Variants in GRIA4 observed in about 807,000 individuals in gnomAD.
GRIA4 encodes glutamate ionotropic receptor AMPA type subunit 4, also known as glutamate receptor 4.
GRIA4 carries 34 observed loss-of-function variants against 104.0 expected under a neutral mutation model. The ratio of observed to expected loss-of-function variants is 0.33; its 90% confidence interval spans 0.25 to 0.44. GRIA4 has a LOEUF of 0.44. Ranked by LOEUF, GRIA4 falls within the 20% of genes least tolerant of loss-of-function variation. The pLI is 1.00. For missense variants in GRIA4, 750 were observed against 1,096.5 expected (o/e 0.68, Z 4.46); for synonymous variants, 386 against 381.9 (o/e 1.01, Z -0.13).
intron 4 of GRIA4, among the ~76,000 whole-genome samples, chr11:105,860,187 A>G (rs1945167329): frequency 6.6e-6 from 1 of 152,192 alleles, no homozygotes; most frequent in South Asian, 2.1e-4. Context: ...TGACTGCCAC[A>G]GTATTTCATT....
intron 4 of GRIA4, among the ~76,000 whole-genome samples, chr11:105,853,801 T>A (rs1468371448): frequency 1.3e-5 from 2 of 152,132 alleles, no homozygotes; most frequent in Non-Finnish European, 2.9e-5. Flanking sequence ...CTGGAGTTGG[T>A]CTAAGTGACA....
chr11:105,895,307 T>A (rs1946614169), intron 6 of GRIA4, among the ~76,000 whole-genome samples: 1 of 151,648 alleles, frequency 6.6e-6, no homozygotes, highest in African/African-American at 2.4e-5. Flanking sequence ...TCTGAGCTAA[T>A]ACCTATGGCT....
At chr11:105,976,886 G>A (rs1487230963) in intron 16 of GRIA4, among the ~76,000 whole-genome samples, 1 of 151,948 alleles carries the variant, frequency 6.6e-6, no homozygotes, top group Admixed American at 6.6e-5. Context: ...GATGATGTAA[G>A]TATAGGAAAT....
intron 16 of GRIA4, 72 bp from the exon 17 acceptor site, chr11:105,979,503 G>A (rs1859166133): frequency 7.6e-7 from 1 of 1,312,106 alleles, no homozygotes; most frequent in South Asian, 1.2e-5. Flanking sequence ...GTTTGTTGTG[G>A]AACATATTGT....
intron 3 of GRIA4, among the ~76,000 whole-genome samples, chr11:105,614,748 G>A (rs2135249398): frequency 6.6e-6 from 1 of 152,028 alleles, no homozygotes; most frequent in Middle Eastern, 3.4e-3. Context: ...AAATCCTTAA[G>A]GCAAATCTAA....
intron 3 of GRIA4, among the ~76,000 whole-genome samples, chr11:105,746,292 T>C (rs557192735): frequency 2.0e-5 from 3 of 152,236 alleles, no homozygotes; most frequent in Non-Finnish European, 2.9e-5. Flanking sequence ...AGTTTACTTG[T>C]TCATTCAGAA....
At chr11:105,794,473 G>GTATATATATATATATATA (rs71041629) in intron 4 of GRIA4, among the ~76,000 whole-genome samples, 2 of 43,882 alleles carry the variant, frequency 4.6e-5, no homozygotes, top group African/African-American at 1.0e-4. Context: ...GTATATGTAT[G>GTATATATATATATATATA]TATATATATA....
At chr11:105,616,300 C>A in intron 3 of GRIA4, among the ~76,000 whole-genome samples, 1 of 151,008 alleles carries the variant, frequency 6.6e-6, no homozygotes, top group South Asian at 2.1e-4. Context: ...AATATTATGC[C>A]CTAGTAATGA....
chr11:105,922,283 C>G (rs1028836353), intron 11 of GRIA4, among the ~76,000 whole-genome samples: 56 of 152,146 alleles, frequency 3.7e-4, no homozygotes, highest in African/African-American at 1.3e-3. Context: ...TTGGTGAAGA[C>G]AAGTAAACAG....
At chr11:105,970,726 A>C (rs1858642054) in intron 14 of GRIA4, among the ~76,000 whole-genome samples, 2 of 152,190 alleles carry the variant, frequency 1.3e-5, no homozygotes, top group African/African-American at 4.8e-5. Flanking sequence ...GAGGCGCATT[A>C]GGGGATACAA....
chr11:105,888,238 G>GATTTAT (rs1209294819), intron 6 of GRIA4, among the ~76,000 whole-genome samples: 1 of 109,556 alleles, frequency 9.1e-6, no homozygotes, highest in Non-Finnish European at 1.9e-5. Context: ...TTCCCAAAGT[G>GATTTAT]ATTTATATTG....
chr11:105,831,582 C>T (rs1465473257), intron 4 of GRIA4, among the ~76,000 whole-genome samples: 2 of 152,012 alleles, frequency 1.3e-5, no homozygotes, highest in African/African-American at 2.4e-5. Flanking sequence ...AATATTCATA[C>T]ATAACAATTC....
chr11:105,633,341 T>A (rs1951087705), intron 3 of GRIA4, among the ~76,000 whole-genome samples: 1 of 152,244 alleles, frequency 6.6e-6, no homozygotes, highest in African/African-American at 2.4e-5. Flanking sequence ...AAGAAACTAA[T>A]TTTGAAATGT....
intron 3 of GRIA4, among the ~76,000 whole-genome samples, chr11:105,691,096 T>A (rs1019099250): frequency 6.6e-6 from 1 of 152,048 alleles, no homozygotes. Flanking sequence ...CGTGCAAACA[T>A]GTGTGGAGAA....
At chr11:105,680,355 T>C (rs1426764364) in intron 3 of GRIA4, among the ~76,000 whole-genome samples, 1 of 152,096 alleles carries the variant, frequency 6.6e-6, no homozygotes, top group Non-Finnish European at 1.5e-5. Context: ...TGGATGTTGA[T>C]TCTGAGCATA....
intron 3 of GRIA4, among the ~76,000 whole-genome samples, chr11:105,705,771 C>T (rs949293477): frequency 1.2e-4 from 19 of 152,166 alleles, no homozygotes; most frequent in Admixed American, 6.5e-5. Flanking sequence ...GGTGGGACTA[C>T]GGGGAAACAG....
At chr11:105,704,035 T>C (rs192842342) in intron 3 of GRIA4, among the ~76,000 whole-genome samples, 115 of 152,246 alleles carry the variant, frequency 7.6e-4, no homozygotes, top group African/African-American at 2.6e-3. Context: ...TATTCCTCTA[T>C]GTCTATAAAT....
chr11:105,633,574 C>T (rs1214482643), intron 3 of GRIA4, among the ~76,000 whole-genome samples: 2 of 152,064 alleles, frequency 1.3e-5, no homozygotes, highest in African/African-American at 2.4e-5. Context: ...AGTTTAGAGA[C>T]TATTAAAGAA....
intron 3 of GRIA4, among the ~76,000 whole-genome samples, chr11:105,700,871 A>G (rs1953464512): frequency 6.6e-6 from 1 of 152,154 alleles, no homozygotes; most frequent in Non-Finnish European, 1.5e-5. Context: ...GATTGCCTTC[A>G]AAACTCCAAA....
Sources: allele counts gnomAD v4.1 joint callset (sites outside exome capture counted in the v4.1 genomes callset), GRCh38; gene constraint gnomAD v4.1.1; transcripts MANE v1.5; gene names NCBI Gene and HGNC (gene_info 2026-07-23, HGNC 2026-07-21).